The following MYOM2 variants were observed in gnomAD, a reference collection of about 807,000 sequenced individuals.
The protein encoded by MYOM2 is myomesin 2.
A neutral mutation model predicts 187.6 loss-of-function variants in MYOM2; 254 were observed. That is an observed-to-expected ratio of 1.35 (90% confidence interval 1.22 to 1.50). The LOEUF is 1.50. MYOM2 is among the 40% of genes most tolerant of loss of function. MYOM2 has a pLI of 0.00. For missense variants in MYOM2, 2,796 were observed against 1,924.0 expected (o/e 1.45, Z -8.48); for synonymous variants, 981 against 753.8 (o/e 1.30, Z -4.94).
At chr8:2,047,312 C>G (rs772065575) in intron 1 of MYOM2, among the ~76,000 whole-genome samples, 2 of 152,064 alleles carry the variant, frequency 1.3e-5, no homozygotes, top group Non-Finnish European at 2.9e-5. Flanking sequence ...GTGAGGGACA[C>G]TGGGGAAGTT....
At chr8:2,090,527 C>T (rs1041501079) in intron 15 of MYOM2, among the ~76,000 whole-genome samples, 8 of 152,090 alleles carry the variant, frequency 5.3e-5, no homozygotes, top group African/African-American at 1.9e-4. Context: ...CATAGGTAAA[C>T]TTGTGTCATG....
rs1318488815 is a variant in MYOM2, at chr8:2,055,129, GGTAA to G, written c.264-2218_264-2215del. ...GGGTAACCAAGTACCTGGATACTGG[GGTAA>G]CCAAGTACCTGGATACTGGGGGAAC... On this transcript the variant is annotated intron_variant, in intron 3 of 36. Coordinates refer to ENST00000262113, the MANE Select transcript of MYOM2 (RefSeq NM_003970.4). 2.6e-3 allele frequency among the ~76,000 whole-genome samples: 67 copies of G among 25,554 alleles called. 2 individuals are homozygous for G. The highest frequency in any genetic ancestry group is 4.7e-3 in the Admixed American group (8 of 1,690). 16.8% of individuals were successfully genotyped at this position (25,554 alleles called of 152,430 possible).
rs1318031000 is a variant in MYOM2, at chr8:2,124,641, CAT to C, written c.3694+425_3694+426del. On this transcript the variant is annotated intron_variant, in intron 31 of 36. Transcript: ENST00000262113. ...GCCCAGAGGTGGGATTGCTGGATCA[CAT>C]GTCAGTTCAGCTTGTTTTTGGAGGA... Among the ~76,000 whole-genome samples, 9 of 152,274 alleles carry C rather than the reference CAT, an allele frequency of 5.9e-5. No individual in the cohort carries two copies. The South Asian group carries it at 1.7e-3, about 28-fold the overall frequency.
chr8:2,095,714 C>T (rs1041250471), intron 17 of MYOM2, among the ~76,000 whole-genome samples: 3 of 152,180 alleles, frequency 2.0e-5, no homozygotes, highest in Admixed American at 2.0e-4. Context: ...CGTTCTCGAC[C>T]TGTTAGGAGA....
intron 31 of MYOM2, among the ~76,000 whole-genome samples, chr8:2,128,051 A>G (rs1351590090): frequency 1.3e-5 from 2 of 152,132 alleles, no homozygotes; most frequent in African/African-American, 4.8e-5. Flanking sequence ...TTTGTTTTAT[A>G]TAGATGTTAT....
In MYOM2 at chr8:2,085,467, C is replaced by T. The variant is rs577488353; in HGVS notation, c.1644+77C>T. 3.5e-4 allele frequency: 540 copies of T among 1,521,908 alleles called. 17 individuals are homozygous for T. Among genetic ancestry groups the T allele is most frequent in the South Asian group, 4.2e-4 (34 of 80,746 alleles). The allele number at this position is 1,521,908 out of a possible 1,614,324, so 94.3% of individuals were successfully genotyped here. On this transcript the variant is annotated intron_variant, in intron 14 of 36. Transcript: ENST00000262113. ...CTGTCATGATCTCTGCGTGGCCCAC[C>T]GCTGTCGTGATCTCCGCGTGGCCCC... is the stretch of plus-strand genomic sequence containing the variant.
intron 14 of MYOM2, 41 bp from the exon 15 acceptor site, chr8:2,089,967 G>A (rs376029346): frequency 5.0e-6 from 8 of 1,603,328 alleles, no homozygotes; most frequent in East Asian, 2.2e-5. Context: ...TGGGGACCTC[G>A]CGGTTTTCAC....
chr8:2,046,290 G>T (rs939336982), intron 1 of MYOM2, among the ~76,000 whole-genome samples: 2 of 152,238 alleles, frequency 1.3e-5, no homozygotes, highest in Non-Finnish European at 2.9e-5. Context: ...GAATTAGGAT[G>T]GGGATATCAG....
Position 2,123,560 on chromosome 8 carries a change from A to G in MYOM2, c.3573A>G (p.Ser1191=). 1 of 1,613,890 alleles carries G rather than the reference A, an allele frequency of 6.2e-7. No homozygotes were observed. Among genetic ancestry groups the G allele is most frequent in the East Asian group, 2.2e-5 (1 of 44,876 alleles). ...GGAATGTGTTTTCTTTGTAGTTGTC[A>G]AAGAAGGACCACGGTGAATACAAGG... is the stretch of plus-strand genomic sequence containing the variant. The part of the protein sequence containing the change: ...GICELLIPKL[S]KKDHGEYKAT... Residue 1191 remains serine (S), a synonymous_variant, in exon 30 of 37, where the codon TCA becomes TCG. Coordinates refer to ENST00000262113, the MANE Select transcript of MYOM2 (RefSeq NM_003970.4).
At chr8:2,072,280 G>T in intron 8 of MYOM2, 65 bp from the exon 9 acceptor site, 1 of 1,331,630 alleles carries the variant, frequency 7.5e-7, no homozygotes, top group South Asian at 1.8e-5. Flanking sequence ...CTTCGGCCAT[G>T]AAAGCCTCCA....
At chr8:2,124,307 C>A in intron 31 of MYOM2, 90 bp downstream of exon 31, 1 of 1,320,468 alleles carries the variant, frequency 7.6e-7, no homozygotes, top group Non-Finnish European at 1.1e-6. Flanking sequence ...AAAGAGGGCA[C>A]CATGGAGCTG....
Position 2,140,903 on chromosome 8 carries a change from T to C in MYOM2, c.3964+17T>C. 6.3e-7 allele frequency: 1 copy of C among 1,588,358 alleles called. No homozygotes were observed. The highest frequency in any genetic ancestry group is 8.6e-7 in the Non-Finnish European group (1 of 1,164,646). On this transcript the variant is annotated intron_variant, in intron 33 of 36. Coordinates refer to ENST00000262113, the MANE Select transcript of MYOM2 (RefSeq NM_003970.4). The stretch of plus-strand genomic sequence containing the variant: ...CCGGACAAGGTAAGAGAATTCTTCT[T>C]TAGCATTTAATAATTTCCTATTTAG...
At position 2,144,705 on chromosome 8, in the gene MYOM2, C is replaced by G. The variant is rs755616092; in HGVS notation, c.4122C>G (p.Pro1374=). Residue 1374 remains proline, a synonymous_variant, in exon 37 of 37, where the codon CCC becomes CCG. Coordinates refer to ENST00000262113, the MANE Select transcript of MYOM2 (RefSeq NM_003970.4). ...LTCTVFGNPD[P]EVIWFKNDQD... ...GCACGGTGTTTGGAAACCCTGACCC[C>G]GAAGTGATTTGGTTCAAGAACGACC... 1 of 1,613,998 alleles carries G rather than the reference C, an allele frequency of 6.2e-7. No individual in the cohort carries two copies. Among genetic ancestry groups the G allele is most frequent in the Non-Finnish European group, 8.5e-7 (1 of 1,180,028 alleles).
At chr8:2,079,460 C>G (rs527483704) in intron 12 of MYOM2, 100 bp from the exon 13 acceptor site, 30 of 1,148,832 alleles carry the variant, frequency 2.6e-5, no homozygotes, top group East Asian at 4.7e-5. Context: ...GGTTGTAGTC[C>G]TAATGCAGAG....
chr8:2,120,414 C>T (rs1230026366), intron 28 of MYOM2, among the ~76,000 whole-genome samples: 1 of 151,270 alleles, frequency 6.6e-6, no homozygotes, highest in African/African-American at 2.4e-5. Flanking sequence ...GCCTAAGTGT[C>T]AGGTGGGGAC....
At chr8:2,072,183 G>A (rs113955326) in intron 8 of MYOM2, among the ~76,000 whole-genome samples, 162 bp from the exon 9 acceptor site, 14,839 of 151,722 alleles carry the variant, frequency 0.098, 1,311 homozygotes, top group African/African-American at 0.23. Flanking sequence ...GTGAGCCGAG[G>A]TCGCACCACT....
chr8:2,111,745 A>G (rs1797074787), intron 25 of MYOM2, among the ~76,000 whole-genome samples: 2 of 152,104 alleles, frequency 1.3e-5, no homozygotes, highest in African/African-American at 4.8e-5. Flanking sequence ...CAGTTGAGCC[A>G]TTTCTTAAAA....
intron 14 of MYOM2, among the ~76,000 whole-genome samples, chr8:2,086,369 T>C (rs1431815839): frequency 0.61 from 1,967 of 3,228 alleles, 620 homozygotes; most frequent in Middle Eastern, 1. Flanking sequence ...CTCCCACTGT[T>C]GTGATCTCTG....
intron 32 of MYOM2, among the ~76,000 whole-genome samples, chr8:2,136,503 G>C (rs556637212): frequency 6.6e-6 from 1 of 152,194 alleles, no homozygotes; most frequent in Non-Finnish European, 1.5e-5. Context: ...TCTTCCCCCA[G>C]ATTGTGTGGC....
Sources: gnomAD v4.1 joint callset for allele counts (sites outside exome capture counted in the v4.1 genomes callset) on GRCh38, gnomAD v4.1.1 for gene constraint, MANE v1.5 for transcripts, NCBI Gene and HGNC (gene_info 2026-07-23, HGNC 2026-07-21) for gene names.